Variants in TTC13 observed in about 807,000 individuals in gnomAD.
The protein encoded by TTC13 is tetratricopeptide repeat domain 13.
In TTC13, 62 loss-of-function variants were observed where a neutral mutation model predicts 120.0. The observed-to-expected ratio is 0.52, with a 90% confidence interval of 0.42 to 0.64. The LOEUF (loss-of-function observed/expected upper bound fraction) is 0.64. Ranked by LOEUF, TTC13 falls within the 30% of genes least tolerant of loss-of-function variation. The probability of loss-of-function intolerance (pLI) is 0.00; values close to 1 mark genes in which losing one functional copy is unlikely to be tolerated. For synonymous variants in TTC13, 384 were observed against 393.5 expected, an observed-to-expected ratio of 0.98 and a Z score of 0.28; for missense variants, 824 against 1,050.2, an observed-to-expected ratio of 0.78 and a Z score of 2.98.
At chr1:230,974,082 A>G (rs1209448950) in intron 1 of TTC13, among the ~76,000 whole-genome samples, 1 of 152,070 alleles carries the variant, frequency 6.6e-6, no homozygotes, top group African/African-American at 2.4e-5. Flanking sequence ...ATCTCAAAAA[A>G]AAAAAAAAAG....
At chr1:230,908,418 G>A (rs1171035070) in intron 22 of TTC13, 1 of 493,186 alleles carries the variant, frequency 2.0e-6, no homozygotes. Flanking sequence ...TCGAACTCCT[G>A]GCCTCAAATG....
In TTC13 at chr1:230,961,307, A is replaced by AAAGGCAAG. The variant is rs767328120; in HGVS notation, c.272-12_272-5dup. 6.1e-5 allele frequency: 98 copies of AAAGGCAAG among 1,605,348 alleles called. No individual in the cohort carries two copies. The highest frequency in any genetic ancestry group is 8.1e-5 in the Non-Finnish European group (95 of 1,173,034). On this transcript the variant is annotated splice_polypyrimidine_tract_variant and splice_region_variant and intron_variant, in intron 1 of 22. Transcript: ENST00000366661. Reference sequence around the variant, plus strand: ...TGGAAGTTCAAAAAGGATGACTCTGAAAGGCAAGCATTCTTTGTTATTCTC... The same window carrying AAAGGCAAG: ...TGGAAGTTCAAAAAGGATGACTCTGAAAGGCAAGAAGGCAAGCATTCTTTGTTATTCTC...
At chr1:230,931,918 A>G in intron 9 of TTC13, 41 bp from the exon 10 acceptor site, 1 of 1,585,016 alleles carries the variant, frequency 6.3e-7, no homozygotes, top group Non-Finnish European at 8.6e-7. Flanking sequence ...TATAGATATT[A>G]CGGGAAACAT....
chr1:230,971,964 C>G (rs149525844), intron 1 of TTC13, among the ~76,000 whole-genome samples: 1 of 152,322 alleles, frequency 6.6e-6, no homozygotes, highest in East Asian at 1.9e-4. Context: ...ACATCAACTC[C>G]ACAGGGAATG....
rs1209444454 is a variant in TTC13 at position 230,942,301 on chromosome 1, C to A, written c.672+1505G>T. 3.3e-5 allele frequency among the ~76,000 whole-genome samples: 5 copies of A among 152,124 alleles called. No homozygotes were observed. ...ACCAAATCTGTCACCAAATTAGCCA[C>A]TAAACACCAACTAAATACCAGCAAG... is the stretch of plus-strand genomic sequence containing the variant. On this transcript the variant is annotated intron_variant, in intron 6 of 22. Coordinates refer to ENST00000366661, the MANE Select transcript of TTC13 (RefSeq NM_024525.5). The surrounding 1 kb of genome is among the most constrained non-coding windows in gnomAD (Gnocchi z 4.0).
intron 17 of TTC13, 48 bp downstream of exon 17, chr1:230,920,462 T>A: frequency 7.2e-7 from 1 of 1,388,502 alleles, no homozygotes; most frequent in Non-Finnish European, 1.0e-6. Context: ...TGCTGTTGGT[T>A]TTCTTTTCCT....
At chr1:230,968,241 AGCAATC>A (rs1275250313) in intron 1 of TTC13, among the ~76,000 whole-genome samples, 5 of 151,874 alleles carry the variant, frequency 3.3e-5, no homozygotes, top group Admixed American at 3.3e-4. Context: ...ATCACATAAA[AGCAATC>A]GCCTTAGCCA....
Position 230,954,408 on chromosome 1 carries a change from G to A in TTC13, c.443-5C>T, listed in dbSNP as rs778004993. ...CAATCAAGACATAAGCAATAGCTATGAAACAAAATACAAAAATATTAAAGG... is the reference window on the plus strand; with the variant it reads ...CAATCAAGACATAAGCAATAGCTATAAAACAAAATACAAAAATATTAAAGG... On this transcript the variant is annotated splice_polypyrimidine_tract_variant and splice_region_variant and intron_variant, in intron 3 of 22. Coordinates refer to ENST00000366661, the MANE Select transcript of TTC13 (RefSeq NM_024525.5). The A allele has an allele frequency of 6.2e-7, 1 of 1,603,554 alleles. No individual in the cohort carries two copies. Among genetic ancestry groups the A allele is most frequent in the Admixed American group, 1.7e-5 (1 of 59,368 alleles).
chr1:230,968,588 C>A (rs1425011905), intron 1 of TTC13, among the ~76,000 whole-genome samples: 1 of 152,018 alleles, frequency 6.6e-6, no homozygotes, highest in East Asian at 1.9e-4. Flanking sequence ...AGGTGGGAGG[C>A]CATGGCCAGT....
intron 4 of TTC13, among the ~76,000 whole-genome samples, chr1:230,946,647 C>A (rs549956087): frequency 6.6e-6 from 1 of 152,280 alleles, no homozygotes; most frequent in East Asian, 1.9e-4. Context: ...CATGGGCCCA[C>A]ATTTTGGCAT....
chr1:230,943,237 G>A (rs555976755), intron 6 of TTC13, among the ~76,000 whole-genome samples: 10 of 151,258 alleles, frequency 6.6e-5, no homozygotes, highest in African/African-American at 2.4e-4. Context: ...TATATTTTTT[G>A]TGTTTTTTTT....
intron 17 of TTC13, among the ~76,000 whole-genome samples, chr1:230,919,423 A>C (rs1348841373): frequency 6.6e-6 from 1 of 152,138 alleles, no homozygotes; most frequent in Non-Finnish European, 1.5e-5. Flanking sequence ...GCATGAATCC[A>C]TTCATGAGGG....
intron 8 of TTC13, 35 bp from the exon 9 acceptor site, chr1:230,933,896 A>C: frequency 7.6e-7 from 1 of 1,314,464 alleles, no homozygotes; most frequent in Non-Finnish European, 1.1e-6. Flanking sequence ...TTTCATTTGC[A>C]TAATTGTTAA....
At position 230,908,695 on chromosome 1, in the gene TTC13, C is replaced by A; in HGVS notation, c.2468+17G>T. On this transcript the variant is annotated intron_variant, in intron 22 of 22. Coordinates refer to ENST00000366661, the MANE Select transcript of TTC13 (RefSeq NM_024525.5). ...CCAGTTATGATACCCTTGTGTGGAC[C>A]CCCCTCAAGTAGTTACCTTTTCAAG... is the stretch of plus-strand genomic sequence containing the variant. 1 of 1,605,394 alleles carries A rather than the reference C, an allele frequency of 6.2e-7. No homozygotes were observed. Among genetic ancestry groups the A allele is most frequent in the Non-Finnish European group, 8.5e-7 (1 of 1,172,816 alleles).
Position 230,969,264 on chromosome 1 carries a change from A to AAAAAAG in TTC13, c.272-7962_272-7961insCTTTTT, listed in dbSNP as rs143545671. On this transcript the variant is annotated intron_variant, in intron 1 of 22. Transcript: ENST00000366661. ...GTGACAAAGCGACACTCCATCTCAAAAAAAGAAAAGAAAAGAAAAGAAAAA... is the reference window on the plus strand; with the variant it reads ...GTGACAAAGCGACACTCCATCTCAAAAAAAAGAAAAGAAAAGAAAAGAAAAGAAAAA... Among the ~76,000 whole-genome samples, 584 of 150,020 alleles carry AAAAAAG rather than the reference A, an allele frequency of 3.9e-3. 3 individuals carry two copies. Among genetic ancestry groups the AAAAAAG allele is most frequent in the African/African-American group, 0.013 (545 of 40,684 alleles).
At chr1:230,920,072 C>T (rs1330009680) in intron 17 of TTC13, among the ~76,000 whole-genome samples, 1 of 152,200 alleles carries the variant, frequency 6.6e-6, no homozygotes, top group Non-Finnish European at 1.5e-5. Flanking sequence ...CTTAGCTTAG[C>T]AAGACCACTG....
At chr1:230,977,676 T>C (rs887876737) in intron 1 of TTC13, among the ~76,000 whole-genome samples, 4 of 152,230 alleles carry the variant, frequency 2.6e-5, no homozygotes, top group African/African-American at 7.2e-5. Context: ...GTGGGTTCGG[T>C]AGACCCCGGT....
At chr1:230,920,269 A>T (rs1672454235) in intron 17 of TTC13, 3 of 285,578 alleles carry the variant, frequency 1.1e-5, no homozygotes, top group African/African-American at 2.2e-5. Flanking sequence ...TGTGGCCAGA[A>T]GCAGAATTCA....
At chr1:230,912,130 C>T (rs748316190) in intron 19 of TTC13, among the ~76,000 whole-genome samples, 14 of 152,164 alleles carry the variant, frequency 9.2e-5, no homozygotes, top group Non-Finnish European at 1.8e-4. Flanking sequence ...CCTGTAACGA[C>T]TCCACCTCGA....
Sources: allele counts gnomAD v4.1 joint callset (sites outside exome capture counted in the v4.1 genomes callset), GRCh38; gene constraint gnomAD v4.1.1; non-coding constraint Gnocchi (gnomAD v3.1); transcripts MANE v1.5; gene names NCBI Gene and HGNC (gene_info 2026-07-23, HGNC 2026-07-21).